The following PKHD1 variants were observed in gnomAD, a reference collection of about 807,000 sequenced individuals.
PKHD1 encodes the protein PKHD1 ciliary IPT domain containing fibrocystin/polyductin, also known as fibrocystin.
Under a neutral mutation model 412.0 loss-of-function variants are expected in PKHD1, and 291 were observed. That is an observed-to-expected ratio of 0.71 (90% confidence interval 0.64 to 0.78). The LOEUF is 0.78. Ranked by LOEUF, PKHD1 falls within the 30% of genes least tolerant of loss-of-function variation. The probability of loss-of-function intolerance (pLI) is 0.00; values close to 1 mark genes in which losing one functional copy is unlikely to be tolerated. For missense variants in PKHD1, 4,825 were observed against 4,950.7 expected (o/e 0.97, Z 0.76); for synonymous variants, 1,777 against 1,821.5 (o/e 0.98, Z 0.62).
At position 51,619,042 on chromosome 6, in the gene PKHD1, C is replaced by T. The variant is rs553690431; in HGVS notation, c.*39G>A. ...GCTTATTATCCAGAAATACTGGGAACATTCTGCCTTTCAGGCCAAATGCCC... is the reference window on the plus strand; with the variant it reads ...GCTTATTATCCAGAAATACTGGGAATATTCTGCCTTTCAGGCCAAATGCCC... On this transcript the variant is annotated 3_prime_UTR_variant, in exon 67 of 67. Coordinates refer to ENST00000371117, the MANE Select transcript of PKHD1 (RefSeq NM_138694.4). The T allele has an allele frequency of 1.1e-5, 17 of 1,573,352 alleles. No homozygotes were observed. In the South Asian group the frequency reaches 1.2e-4, roughly 11 times the overall value.
At chr6:51,764,763 C>G (rs1788692853) in intron 55 of PKHD1, among the ~76,000 whole-genome samples, 2 of 152,040 alleles carry the variant, frequency 1.3e-5, no homozygotes, top group South Asian at 2.1e-4. Context: ...TCATGATCAG[C>G]CCCTACTCTC....
chr6:51,937,169 T>G (rs533125481), intron 36 of PKHD1, among the ~76,000 whole-genome samples: 1 of 152,298 alleles, frequency 6.6e-6, no homozygotes, highest in African/African-American at 2.4e-5. Context: ...AGTTAATAAG[T>G]TAACTCTTTC....
At chr6:51,727,632 C>T (rs1285001116) in intron 60 of PKHD1, among the ~76,000 whole-genome samples, 1 of 152,206 alleles carries the variant, frequency 6.6e-6, no homozygotes, top group African/African-American at 2.4e-5. Flanking sequence ...GGTGAGCATG[C>T]ACAGTGTGTT....
Position 51,659,651 on chromosome 6 carries a change from G to A in PKHD1, c.10475C>T (p.Ser3492Phe), listed in dbSNP as rs1772497198. 2 of 1,613,804 alleles carry A rather than the reference G, an allele frequency of 1.2e-6. No homozygotes were observed. Among genetic ancestry groups the A allele is most frequent in the Non-Finnish European group, 1.7e-6 (2 of 1,179,850 alleles). Reference protein sequence around the residue: ...RFFLLGNKSTSKLLLAVFYHE... With the variant: ...RFFLLGNKSTFKLLLAVFYHE... ...GTAGAATACAGCCAAGAGAAGCTTGGAGGTACTTTTGTTCCCCAATAGAAA... is the reference window on the plus strand; with the variant it reads ...GTAGAATACAGCCAAGAGAAGCTTGAAGGTACTTTTGTTCCCCAATAGAAA... Residue 3492 changes from serine to phenylalanine, a missense_variant, in exon 61 of 67, where the codon TCC becomes TTC. Coordinates refer to ENST00000371117, the MANE Select transcript of PKHD1 (RefSeq NM_138694.4).
intron 1 of PKHD1, 147 bp downstream of exon 1, chr6:52,087,287 C>A (rs1177890957): frequency 6.6e-6 from 1 of 152,218 alleles, no homozygotes; most frequent in Non-Finnish European, 1.5e-5. Flanking sequence ...TCCCTTCCCT[C>A]TCAGCTTCTC....
intron 37 of PKHD1, among the ~76,000 whole-genome samples, chr6:51,916,193 T>C (rs1422769729): frequency 6.6e-6 from 1 of 152,166 alleles, no homozygotes; most frequent in African/African-American, 2.4e-5. Context: ...ATTCAATTCA[T>C]AGTGGTTTAA....
chr6:52,024,803 G>A lies in PKHD1; in HGVS notation c.5007C>T (p.Ile1669=). 6.2e-7 allele frequency: 1 copy of A among 1,614,212 alleles called. No homozygotes were observed. The highest frequency in any genetic ancestry group is 8.5e-7 in the Non-Finnish European group (1 of 1,180,040). ...AGATCTGGGCCACTGCAAAGGTTAA[G>A]ATGTCATCGCTCTGAGAAATAGAGA... ...ELISISQSDD[I]LTFAVAQISG... is the part of the protein sequence containing the mutation. Residue 1669 remains isoleucine (I), a synonymous_variant, in exon 32 of 67, where the codon ATC becomes ATT. Coordinates refer to ENST00000371117, the MANE Select transcript of PKHD1 (RefSeq NM_138694.4).
At chr6:51,895,397 C>A (rs992477993) in intron 43 of PKHD1, among the ~76,000 whole-genome samples, 1 of 152,204 alleles carries the variant, frequency 6.6e-6, no homozygotes. Flanking sequence ...CTGGACTAGA[C>A]TTTGCAAGAT....
At position 52,021,628 on chromosome 6, in the gene PKHD1, T is replaced by C. The variant is rs374394061; in HGVS notation, c.5380+1173A>G. Among the ~76,000 whole-genome samples, 26 of 152,324 alleles carry C rather than the reference T, an allele frequency of 1.7e-4. No homozygotes were observed. In the East Asian group the frequency reaches 1.9e-3, roughly 11 times the overall value. ...TTTTGAACTTCAATCTTCTATTGTA[T>C]CTTAAATTTCCCATTGTGGACTCTA... On this transcript the variant is annotated intron_variant, in intron 33 of 66. Coordinates refer to ENST00000371117, the MANE Select transcript of PKHD1 (RefSeq NM_138694.4).
rs1316065255 is a variant in PKHD1, at chr6:51,904,055, G to A, written c.6809-13C>T. On this transcript the variant is annotated splice_polypyrimidine_tract_variant and intron_variant, in intron 41 of 66. Transcript: ENST00000371117. ...TCCGTGCATGTCCCTGAGAACAAAA[G>A]ACCCCATTACTTGAGTATATTTTAT... 1.3e-6 allele frequency: 2 copies of A among 1,563,696 alleles called. No individual in the cohort carries two copies. Among genetic ancestry groups the A allele is most frequent in the East Asian group, 2.2e-5 (1 of 44,588 alleles).
At chr6:51,913,534 G>T (rs1242577394) in intron 37 of PKHD1, among the ~76,000 whole-genome samples, 4 of 151,936 alleles carry the variant, frequency 2.6e-5, no homozygotes, top group Non-Finnish European at 2.9e-5. Flanking sequence ...AAAACACATG[G>T]CTTACTCCCT....
intron 36 of PKHD1, among the ~76,000 whole-genome samples, chr6:51,942,177 C>A (rs1788699072): frequency 6.6e-6 from 1 of 151,544 alleles, no homozygotes; most frequent in African/African-American, 2.4e-5. Flanking sequence ...TCCTTGAAGA[C>A]AGCTTTAGAG....
At chr6:51,639,031 G>T in intron 63 of PKHD1, 75 bp from the exon 64 acceptor site, 2 of 1,106,458 alleles carry the variant, frequency 1.8e-6, no homozygotes, top group Non-Finnish European at 2.8e-6. Flanking sequence ...CTTCTGCGAA[G>T]GCAGACATTT....
intron 36 of PKHD1, among the ~76,000 whole-genome samples, chr6:51,934,945 A>G (rs1401622277): frequency 6.6e-6 from 1 of 152,206 alleles, no homozygotes; most frequent in Non-Finnish European, 1.5e-5. Context: ...AAAAGGGAAA[A>G]GAGGTAGGAA....
At position 52,056,683 on chromosome 6, in the gene PKHD1, A is replaced by T. The variant is rs1185924136; in HGVS notation, c.1693+15T>A. ...ATGATGAAAAAGACAATCAGAATGAAGCCACGGACAGCACCTCGTTCAAAT... is the reference window on the plus strand; with the variant it reads ...ATGATGAAAAAGACAATCAGAATGATGCCACGGACAGCACCTCGTTCAAAT... On this transcript the variant is annotated intron_variant, in intron 18 of 66. Coordinates refer to ENST00000371117, the MANE Select transcript of PKHD1 (RefSeq NM_138694.4). 6.3e-7 allele frequency: 1 copy of T among 1,578,764 alleles called. No homozygotes were observed. The highest frequency in any genetic ancestry group is 8.7e-7 in the Non-Finnish European group (1 of 1,147,690).
chr6:51,766,622 T>G (rs550590445), intron 55 of PKHD1, among the ~76,000 whole-genome samples: 11 of 152,042 alleles, frequency 7.2e-5, no homozygotes, highest in Non-Finnish European at 1.6e-4. Context: ...TTCATATTTT[T>G]ATTTTCATTC....
intron 43 of PKHD1, among the ~76,000 whole-genome samples, chr6:51,890,587 T>A (rs1583218496): frequency 6.8e-6 from 1 of 148,058 alleles, no homozygotes; most frequent in African/African-American, 2.5e-5. Flanking sequence ...GCACCGGAGG[T>A]AGTGTTTGAT....
chr6:51,813,253 T>G (rs556304320), intron 52 of PKHD1, among the ~76,000 whole-genome samples: 25 of 152,318 alleles, frequency 1.6e-4, no homozygotes, highest in African/African-American at 5.1e-4. Context: ...TTTCTTAGTG[T>G]GTCAAACATG....
chr6:51,858,139 T>C (rs1388161324), intron 48 of PKHD1, among the ~76,000 whole-genome samples: 1 of 152,200 alleles, frequency 6.6e-6, no homozygotes, highest in Non-Finnish European at 1.5e-5. Context: ...GTGCAGGAAT[T>C]CCCACCATAT....
Sources: allele counts gnomAD v4.1 joint callset (sites outside exome capture counted in the v4.1 genomes callset), GRCh38; gene constraint gnomAD v4.1.1; transcripts MANE v1.5; gene names NCBI Gene and HGNC (gene_info 2026-07-23, HGNC 2026-07-21).